The following TRPM4 variants were observed in gnomAD, a reference collection of about 807,000 sequenced individuals.
TRPM4 encodes transient receptor potential cation channel subfamily M member 4, also known as calcium-activated non-selective cation channel 1.
In TRPM4, 124 loss-of-function variants were observed where a neutral mutation model predicts 135.6. The observed-to-expected ratio is 0.91, with a 90% CI of 0.79 to 1.06. The LOEUF (loss-of-function observed/expected upper bound fraction) is 1.06. Ranked by LOEUF, TRPM4 falls within the 50% of genes least tolerant of loss-of-function variation. The pLI is 0.00. For missense variants in TRPM4, 1,658 were observed against 1,671.4 expected (o/e 0.99, Z 0.14); for synonymous variants, 745 against 705.6 (o/e 1.06, Z -0.88).
chr19:49,163,381 A>C (rs1967044224), intron 2 of TRPM4, among the ~76,000 whole-genome samples: 1 of 149,254 alleles, frequency 6.7e-6, no homozygotes. Flanking sequence ...TTTTTAGTAG[A>C]GATAAGGTTT....
At chr19:49,209,165 G>T (rs1473006480) in intron 20 of TRPM4, among the ~76,000 whole-genome samples, 1 of 152,074 alleles carries the variant, frequency 6.6e-6, no homozygotes, top group East Asian at 1.9e-4. Flanking sequence ...TGCTGAATTA[G>T]ATTTGCTTGT....
At position 49,169,141 on chromosome 19, in the gene TRPM4, AG is replaced by A. The variant is rs1967354005; in HGVS notation, c.796+406del. Among the ~76,000 whole-genome samples the A allele has an allele frequency of 2.7e-5, 4 of 150,888 alleles. No individual in the cohort carries two copies. In the South Asian group the frequency reaches 8.6e-4, roughly 32 times the overall value. On this transcript the variant is annotated intron_variant, in intron 6 of 24. Transcript: ENST00000252826. ...CTTGAACCCGGGAGGTGGAGGTTGC[AG>A]TGAGCCGAGATCAAGCCACTGCACT...
intron 17 of TRPM4, among the ~76,000 whole-genome samples, chr19:49,199,197 C>T (rs1968816757): frequency 6.6e-6 from 1 of 152,126 alleles, no homozygotes; most frequent in Non-Finnish European, 1.5e-5. Flanking sequence ...ATAGGTTGGA[C>T]ATCTTTTCCT....
chr19:49,172,210 C>A, intron 9 of TRPM4, 102 bp downstream of exon 9: 1 of 884,088 alleles, frequency 1.1e-6, no homozygotes, highest in Non-Finnish European at 1.9e-6. Flanking sequence ...AAGGCCCATG[C>A]CCCCTTTACC....
At position 49,211,612 on chromosome 19, in the gene TRPM4, A is replaced by G. The variant is rs1242866248; in HGVS notation, c.*114A>G. ...TGGCCTTGTCCTTGAGGTGAGCCCCATGTCCATCTGGGCCACTGTCAGGAC... is the reference window on the plus strand; with the variant it reads ...TGGCCTTGTCCTTGAGGTGAGCCCCGTGTCCATCTGGGCCACTGTCAGGAC... On this transcript the variant is annotated 3_prime_UTR_variant, in exon 25 of 25. Transcript: ENST00000252826. This position sits in a 1 kb window ranked among gnomAD's most constrained non-coding sequence, Gnocchi z 4.8. 7.3e-7 allele frequency: 1 copy of G among 1,377,538 alleles called. No homozygotes were observed. The highest frequency in any genetic ancestry group is 1.0e-6 in the Non-Finnish European group (1 of 970,952). The allele number at this position is 1,377,538 out of a possible 1,614,324, so 85.3% of individuals were successfully genotyped here. A position where few individuals can be genotyped will look rare whatever the true frequency, so the allele number is the denominator to read the frequency against.
intron 19 of TRPM4, among the ~76,000 whole-genome samples, chr19:49,201,297 C>T (rs984954335): frequency 2.6e-5 from 4 of 151,886 alleles, no homozygotes; most frequent in Non-Finnish European, 5.9e-5. Flanking sequence ...TTAAAAGAAG[C>T]GAAGGCAGAG....
chr19:49,210,742 C>A lies in TRPM4; in HGVS notation c.3361C>A (p.Leu1121Met), dbSNP rs746156917. 1 of 1,614,188 alleles carries A rather than the reference C, an allele frequency of 6.2e-7. No individual in the cohort carries two copies. Among genetic ancestry groups the A allele is most frequent in the Non-Finnish European group, 8.5e-7 (1 of 1,180,040 alleles). The change falls in exon 22 of 25, where the codon CTG becomes ATG. Residue 1121 changes from leucine to methionine, a missense_variant. Physicochemically the swap from Leu to Met is conservative, Grantham distance 15 (BLOSUM62 2). Coordinates refer to ENST00000252826, the MANE Select transcript of TRPM4 (RefSeq NM_017636.4). This position sits in a 1 kb window ranked among gnomAD's most constrained non-coding sequence, Gnocchi z 4.1. Reference protein sequence around the residue: ...VYLSKEAERKLLTWESVHKEN... With the variant: ...VYLSKEAERKMLTWESVHKEN... The stretch of plus-strand genomic sequence containing the variant: ...CCTTTCTAAGGAAGCCGAGCGGAAG[C>A]TGCTAACGTGGGAATCGGTGCATAA...
chr19:49,168,029 G>A lies in TRPM4; in HGVS notation c.380G>A (p.Gly127Asp), dbSNP rs1347123539. The stretch of plus-strand genomic sequence containing the variant: ...GTGTCAGTGCTGGGGGGATCGGGGG[G>A]CCCCGTCCTCCAGACCTGGCTGCAG... ...LVVSVLGGSG[G>D]PVLQTWLQDL... The change falls in exon 4 of 25, where the codon GGC becomes GAC. Residue 127 changes from glycine (G) to aspartate (D), a missense_variant. Around this residue, in one of 3 missense-constraint regions of TRPM4, gnomAD observed 239 missense variants for 240.1 expected, o/e 1.00. Coordinates refer to ENST00000252826, the MANE Select transcript of TRPM4 (RefSeq NM_017636.4). 2 of 1,613,000 alleles carry A rather than the reference G, an allele frequency of 1.2e-6. No individual in the cohort carries two copies. The highest frequency in any genetic ancestry group is 2.2e-5 in the South Asian group (2 of 91,084).
At chr19:49,205,901 T>G (rs1969130091) in intron 20 of TRPM4, among the ~76,000 whole-genome samples, 1 of 152,158 alleles carries the variant, frequency 6.6e-6, no homozygotes, top group Non-Finnish European at 1.5e-5. Flanking sequence ...ATGAGTTTAT[T>G]TCTGGACTTT....
chr19:49,202,793 G>A (rs1177824), intron 20 of TRPM4, among the ~76,000 whole-genome samples: 3,528 of 151,698 alleles, frequency 0.023, 141 homozygotes, highest in African/African-American at 0.078. Flanking sequence ...GCCTCCCAAA[G>A]TGTTGGGATT....
chr19:49,184,973 T>A (rs970982196), intron 12 of TRPM4, among the ~76,000 whole-genome samples: 1 of 151,946 alleles, frequency 6.6e-6, no homozygotes, highest in African/African-American at 2.4e-5. Flanking sequence ...AAATTCAGTG[T>A]TCACATTTCT....
intron 9 of TRPM4, among the ~76,000 whole-genome samples, chr19:49,177,243 G>A (rs917761852): frequency 6.6e-6 from 1 of 152,046 alleles, no homozygotes; most frequent in Non-Finnish European, 1.5e-5. Flanking sequence ...TCCACTGGGG[G>A]AACTGGAGAT....
At chr19:49,162,885 C>T (rs1967020569) in intron 2 of TRPM4, among the ~76,000 whole-genome samples, 1 of 151,928 alleles carries the variant, frequency 6.6e-6, no homozygotes, top group Admixed American at 6.6e-5. Flanking sequence ...CCTCAGCCTC[C>T]CGAGTAGCTG....
chr19:49,210,449 G>T lies in TRPM4; in HGVS notation c.3328+44G>T, dbSNP rs1320159095. On this transcript the variant is annotated intron_variant, in intron 21 of 24. Coordinates refer to ENST00000252826, the MANE Select transcript of TRPM4 (RefSeq NM_017636.4). The surrounding 1 kb of genome is among the most constrained non-coding windows in gnomAD (Gnocchi z 4.1). ...TTAAAAAGGAGAAATATAGGGGACC[G>T]GGAGCCTGGAAGGCGAGGGGAAGGG... is the stretch of plus-strand genomic sequence containing the variant. The T allele has an allele frequency of 1.9e-6, 3 of 1,600,348 alleles. No homozygotes were observed. The highest frequency in any genetic ancestry group is 3.6e-4 in the Middle Eastern group (2 of 5,622).
At position 49,182,713 on chromosome 19, in the gene TRPM4, G is replaced by A; in HGVS notation, c.1399G>A (p.Ala467Thr). ...GCGCCTGGCCCAACTCTACAGCGCG[G>A]CGCCCTCCAACTCGCTCATCCGCAA... ...PMRLAQLYSA[A>T]PSNSLIRNLL... is the part of the protein sequence containing the mutation. The change falls in exon 11 of 25, where the codon GCG becomes ACG. Residue 467 changes from alanine to threonine, a missense_variant. Physicochemically the swap from Ala to Thr is moderately conservative, Grantham distance 58. Around this residue, in one of 3 missense-constraint regions of TRPM4, gnomAD observed 1,412 missense variants for 1,408.7 expected, o/e 1.00. Coordinates refer to ENST00000252826, the MANE Select transcript of TRPM4 (RefSeq NM_017636.4). 1 of 1,614,096 alleles carries A rather than the reference G, an allele frequency of 6.2e-7. No individual in the cohort carries two copies. The highest frequency in any genetic ancestry group is 8.5e-7 in the Non-Finnish European group (1 of 1,179,986).
At chr19:49,167,890 G>A in intron 3 of TRPM4, 27 bp from the exon 4 acceptor site, 1 of 1,610,502 alleles carries the variant, frequency 6.2e-7, no homozygotes, top group Non-Finnish European at 8.5e-7. Flanking sequence ...CCCCCTCCCT[G>A]TGTGCCCCGC....
intron 1 of TRPM4, 53 bp from the exon 2 acceptor site, chr19:49,158,139 A>T (rs556028470): frequency 6.4e-7 from 1 of 1,556,642 alleles, no homozygotes; most frequent in Admixed American, 1.7e-5. Flanking sequence ...CATAGGACAG[A>T]ACTGGGTGCC....
Position 49,158,275 on chromosome 19 carries a change from C to T in TRPM4, c.92+16C>T. 1 of 1,613,048 alleles carries T rather than the reference C, an allele frequency of 6.2e-7. No homozygotes were observed. Among genetic ancestry groups the T allele is most frequent in the Non-Finnish European group, 8.5e-7 (1 of 1,179,320 alleles). ...CAGATCCGGGGTGAGGAGTTCGCCC[C>T]TGGACTGACCCCAGAGGGTCCGCGG... On this transcript the variant is annotated intron_variant, in intron 2 of 24. Coordinates refer to ENST00000252826, the MANE Select transcript of TRPM4 (RefSeq NM_017636.4).
At chr19:49,164,185 T>C (rs545367674) in intron 2 of TRPM4, among the ~76,000 whole-genome samples, 109 of 151,354 alleles carry the variant, frequency 7.2e-4, no homozygotes, top group African/African-American at 2.5e-3. Context: ...TTTAGATACA[T>C]TTTTCTCCTT....
Sources: gnomAD v4.1 joint callset for allele counts (sites outside exome capture counted in the v4.1 genomes callset) on GRCh38, gnomAD v4.1.1 for gene constraint, gnomAD v4.1.1 regional missense constraint, Gnocchi (gnomAD v3.1) non-coding constraint, MANE v1.5 for transcripts, NCBI Gene and HGNC (gene_info 2026-07-23, HGNC 2026-07-21) for gene names.